NKAIN2: variants seen among roughly 807,000 people sequenced by gnomAD.
The protein encoded by NKAIN2 is sodium/potassium-transporting ATPase subunit beta-1-interacting protein 2.
A neutral mutation model predicts 32.6 loss-of-function variants in NKAIN2; 14 were observed. The observed-to-expected ratio is 0.43, with a 90% CI of 0.28 to 0.67. The LOEUF (loss-of-function observed/expected upper bound fraction) is 0.67. Ranked by LOEUF, NKAIN2 falls within the 30% of genes least tolerant of loss-of-function variation. The pLI, the probability that NKAIN2 is intolerant of heterozygous loss-of-function variation, is 0.17. For synonymous variants in NKAIN2, 80 were observed against 87.2 expected, an observed-to-expected ratio of 0.92 and a Z score of 0.46; for missense variants, 198 against 258.3, an observed-to-expected ratio of 0.77 and a Z score of 1.60.
chr6:123,877,374 T>A (rs1469314126), intron 1 of NKAIN2, among the ~76,000 whole-genome samples: 2 of 152,228 alleles, frequency 1.3e-5, no homozygotes, highest in East Asian at 3.8e-4. Context: ...CCTTACCAGA[T>A]CATAATAGCT....
At chr6:124,363,089 C>A (rs1042939876) in intron 3 of NKAIN2, among the ~76,000 whole-genome samples, 1 of 152,130 alleles carries the variant, frequency 6.6e-6, no homozygotes. Flanking sequence ...CCCTCATTGG[C>A]CTCCCAAAGT....
chr6:124,419,408 A>G (rs1774645001), intron 3 of NKAIN2, among the ~76,000 whole-genome samples: 1 of 152,110 alleles, frequency 6.6e-6, no homozygotes, highest in African/African-American at 2.4e-5. Context: ...GAGAAATGAA[A>G]CTCAATAGCT....
intron 4 of NKAIN2, among the ~76,000 whole-genome samples, chr6:124,702,487 T>G (rs945849360): frequency 6.6e-6 from 1 of 152,118 alleles, no homozygotes; most frequent in Non-Finnish European, 1.5e-5. Context: ...GGTTTTCATT[T>G]TCTTTCTTAA....
chr6:124,233,640 T>C (rs536813510), intron 1 of NKAIN2, among the ~76,000 whole-genome samples: 1 of 152,332 alleles, frequency 6.6e-6, no homozygotes, highest in East Asian at 1.9e-4. Flanking sequence ...AACTTTAAGA[T>C]ATGTTATACA....
At chr6:124,472,645 C>T (rs1777020472) in intron 3 of NKAIN2, among the ~76,000 whole-genome samples, 4 of 149,760 alleles carry the variant, frequency 2.7e-5, no homozygotes, top group Admixed American at 6.7e-5. Context: ...CTTGAACAAA[C>T]GTAAAGGTTT....
intron 1 of NKAIN2, among the ~76,000 whole-genome samples, chr6:124,266,230 T>G (rs376905781): frequency 7.2e-5 from 11 of 152,302 alleles, no homozygotes; most frequent in African/African-American, 2.6e-4. Context: ...TTTTGGAGTA[T>G]AATTTATCTG....
At chr6:123,807,469 TC>T (rs1413496543) in intron 1 of NKAIN2, among the ~76,000 whole-genome samples, 20 of 152,232 alleles carry the variant, frequency 1.3e-4, no homozygotes, top group African/African-American at 4.8e-4. Context: ...GTAACAAAAA[TC>T]ATCACTGCAT....
chr6:124,265,454 C>G (rs914935653), intron 1 of NKAIN2, among the ~76,000 whole-genome samples: 2 of 151,984 alleles, frequency 1.3e-5, no homozygotes, highest in Non-Finnish European at 2.9e-5. Context: ...TAAAATATAC[C>G]AATTTTAAAG....
At chr6:123,988,645 G>A (rs370484385) in intron 1 of NKAIN2, among the ~76,000 whole-genome samples, 146 of 152,274 alleles carry the variant, frequency 9.6e-4, no homozygotes, top group Middle Eastern at 3.4e-3. Flanking sequence ...GCCAGGAAAT[G>A]TTTAGGTTTG....
chr6:123,833,953 C>T (rs936771611), intron 1 of NKAIN2, among the ~76,000 whole-genome samples: 19 of 151,708 alleles, frequency 1.3e-4, no homozygotes, highest in Non-Finnish European at 1.9e-4. Context: ...GTCTCAAACA[C>T]CCGACCTCTT....
At chr6:123,879,120 T>C (rs900223648) in intron 1 of NKAIN2, among the ~76,000 whole-genome samples, 1 of 152,222 alleles carries the variant, frequency 6.6e-6, no homozygotes, top group Admixed American at 6.5e-5. Context: ...GTTCTCATGA[T>C]TGTATTCCTT....
At chr6:124,249,621 C>T (rs2114803687) in intron 1 of NKAIN2, among the ~76,000 whole-genome samples, 1 of 148,366 alleles carries the variant, frequency 6.7e-6, no homozygotes, top group East Asian at 2.0e-4. Flanking sequence ...ACTTTGGGGC[C>T]AGCACACACA....
intron 3 of NKAIN2, among the ~76,000 whole-genome samples, chr6:124,422,856 T>C (rs953856710): frequency 2.0e-5 from 3 of 152,198 alleles, no homozygotes; most frequent in Non-Finnish European, 4.4e-5. Context: ...TAGTATGTGT[T>C]TGGGGACTGT....
Position 124,542,563 on chromosome 6 carries a change from C to A in NKAIN2, c.274-115623C>A, listed in dbSNP as rs182296722. Reference sequence around the variant, plus strand: ...AAGCACTGTTTGAAGACCTCCACAACTGCCTAGGAAAAATTAAAAAGAACA... The same window carrying A: ...AAGCACTGTTTGAAGACCTCCACAAATGCCTAGGAAAAATTAAAAAGAACA... On this transcript the variant is annotated intron_variant, in intron 3 of 6. Coordinates refer to ENST00000368417, the MANE Select transcript of NKAIN2 (RefSeq NM_001040214.3). 2.6e-5 allele frequency among the ~76,000 whole-genome samples: 4 copies of A among 152,214 alleles called. No homozygotes were observed. The East Asian group carries it at 7.7e-4, about 29-fold the overall frequency.
intron 1 of NKAIN2, among the ~76,000 whole-genome samples, chr6:123,925,202 A>T (rs6907236): frequency 0.34 from 51,872 of 151,996 alleles, 9,528 homozygotes; most frequent in East Asian, 0.64. Context: ...AGTGAAAAAT[A>T]TGACCTGCAG....
chr6:124,062,494 G>T (rs113614493), intron 1 of NKAIN2, among the ~76,000 whole-genome samples: 2,026 of 152,226 alleles, frequency 0.013, 33 homozygotes, highest in African/African-American at 0.039. Context: ...AGTGGCACGA[G>T]CATGGCTCAC....
chr6:124,048,207 A>G (rs1782233156), intron 1 of NKAIN2, among the ~76,000 whole-genome samples: 1 of 152,112 alleles, frequency 6.6e-6, no homozygotes, highest in South Asian at 2.1e-4. Context: ...ATATATCCCA[A>G]GATATGCAAA....
intron 1 of NKAIN2, among the ~76,000 whole-genome samples, chr6:124,099,143 T>C (rs1784771463): frequency 6.6e-6 from 1 of 152,110 alleles, no homozygotes. Flanking sequence ...ATATACATAA[T>C]ACATATAATG....
intron 1 of NKAIN2, among the ~76,000 whole-genome samples, chr6:123,968,735 T>G (rs1466717811): frequency 6.6e-6 from 1 of 152,202 alleles, no homozygotes; most frequent in East Asian, 1.9e-4. Flanking sequence ...TCCGCTATTC[T>G]TTCTCTCTGG....
Sources: gnomAD v4.1 joint callset for allele counts (sites outside exome capture counted in the v4.1 genomes callset) on GRCh38, gnomAD v4.1.1 for gene constraint, MANE v1.5 for transcripts, NCBI Gene and HGNC (gene_info 2026-07-23, HGNC 2026-07-21) for gene names.